RPAP3: variants seen among roughly 807,000 people sequenced by gnomAD.
RPAP3 encodes RNA polymerase II associated protein 3, also known as RNA polymerase II-associated protein 3.
A neutral mutation model predicts 88.8 loss-of-function variants in RPAP3; 58 were observed. The observed-to-expected ratio is 0.65, with a 90% CI of 0.53 to 0.81. RPAP3 has a LOEUF of 0.81. RPAP3 is among the 40% of genes least tolerant of loss of function. The pLI, the probability that RPAP3 is intolerant of heterozygous loss-of-function variation, is 0.00. For missense variants in RPAP3, 751 were observed against 764.3 expected, an observed-to-expected ratio of 0.98 and a Z score of 0.20; for synonymous variants, 255 against 259.9, an observed-to-expected ratio of 0.98 and a Z score of 0.18.
chr12:47,676,969 T>G (rs1175166147), intron 12 of RPAP3, among the ~76,000 whole-genome samples: 1 of 152,226 alleles, frequency 6.6e-6, no homozygotes, highest in Non-Finnish European at 1.5e-5. Context: ...ATATCCCTGA[T>G]GAACATCAAT....
chr12:47,689,618 C>T (rs534183566), intron 6 of RPAP3, among the ~76,000 whole-genome samples: 27 of 152,252 alleles, frequency 1.8e-4, no homozygotes, highest in African/African-American at 5.8e-4. Flanking sequence ...GGACTACAGG[C>T]GTAAGCCACT....
intron 6 of RPAP3, among the ~76,000 whole-genome samples, chr12:47,689,870 G>A (rs1939395624): frequency 6.6e-6 from 1 of 152,004 alleles, no homozygotes; most frequent in African/African-American, 2.4e-5. Flanking sequence ...GCAAAACCCT[G>A]TCTCTACTAA....
At chr12:47,679,410 T>A in intron 12 of RPAP3, 83 bp downstream of exon 12, 13 of 854,896 alleles carry the variant, frequency 1.5e-5, no homozygotes, top group Non-Finnish European at 1.8e-5. Flanking sequence ...AAAAAAAAAG[T>A]TTATTAATAC....
chr12:47,702,912 T>C (rs1939685173), intron 1 of RPAP3, 66 bp from the exon 2 acceptor site: 5 of 1,341,748 alleles, frequency 3.7e-6, no homozygotes, highest in Middle Eastern at 4.2e-4. Flanking sequence ...TTCTGAAAGC[T>C]AGCTAATTAT....
chr12:47,671,652 C>A (rs1171349731), intron 12 of RPAP3, among the ~76,000 whole-genome samples: 1 of 152,214 alleles, frequency 6.6e-6, no homozygotes, highest in Admixed American at 6.5e-5. Flanking sequence ...TTGCTAAGAA[C>A]TGTATCAGCA....
chr12:47,665,874 T>C (rs1031343859), intron 16 of RPAP3, among the ~76,000 whole-genome samples: 4 of 152,078 alleles, frequency 2.6e-5, no homozygotes, highest in African/African-American at 4.8e-5. Context: ...GCGATCCTCC[T>C]GCCTTAACCT....
chr12:47,688,127 A>G (rs1472001579), intron 7 of RPAP3, 126 bp from the exon 8 acceptor site: 2 of 831,506 alleles, frequency 2.4e-6, no homozygotes, highest in Non-Finnish European at 3.3e-6. Context: ...TCAAAATAAC[A>G]TTTTCTGCTC....
chr12:47,684,137 C>A (rs1413279003), intron 9 of RPAP3, among the ~76,000 whole-genome samples: 1 of 152,178 alleles, frequency 6.6e-6, no homozygotes, highest in African/African-American at 2.4e-5. Flanking sequence ...ATTTCTTCAG[C>A]CTTTCTGAAG....
intron 13 of RPAP3, 102 bp from the exon 14 acceptor site, chr12:47,669,204 T>A: frequency 1.4e-6 from 1 of 689,732 alleles, no homozygotes; most frequent in Non-Finnish European, 2.4e-6. Flanking sequence ...CTATTAATAT[T>A]GTATTATCTA....
chr12:47,697,095 G>T (rs750941349), intron 4 of RPAP3, among the ~76,000 whole-genome samples: 1 of 152,206 alleles, frequency 6.6e-6, no homozygotes, highest in Non-Finnish European at 1.5e-5. Context: ...TTCCACCTTT[G>T]TGAAAGTAAT....
chr12:47,701,966 TG>T, intron 2 of RPAP3, among the ~76,000 whole-genome samples: 1 of 152,332 alleles, frequency 6.6e-6, no homozygotes, highest in South Asian at 2.1e-4. Flanking sequence ...ATGTACAGTA[TG>T]AAAAACCCAG....
chr12:47,664,329 G>A (rs1938821825), intron 16 of RPAP3, among the ~76,000 whole-genome samples: 1 of 152,316 alleles, frequency 6.6e-6, no homozygotes, highest in Non-Finnish European at 1.5e-5. Context: ...GGCGGAGCTT[G>A]CAGTGAGCTG....
chr12:47,673,260 T>C (rs368924758), intron 12 of RPAP3, among the ~76,000 whole-genome samples: 58 of 151,892 alleles, frequency 3.8e-4, no homozygotes, highest in African/African-American at 1.3e-3. Flanking sequence ...CTGGCCAACA[T>C]GGTGAAACCC....
intron 5 of RPAP3, among the ~76,000 whole-genome samples, chr12:47,694,947 G>T (rs1371721038): frequency 6.6e-6 from 1 of 152,132 alleles, no homozygotes; most frequent in Non-Finnish European, 1.5e-5. Flanking sequence ...ATTTACCTTT[G>T]TAACAACTGT....
At position 47,663,510 on chromosome 12, in the gene RPAP3, C is replaced by T; in HGVS notation, c.1993G>A (p.Gly665Ser). 6.4e-7 allele frequency: 1 copy of T among 1,574,500 alleles called. No individual in the cohort carries two copies. The highest frequency in any genetic ancestry group is 2.3e-5 in the East Asian group (1 of 43,104). The change falls in exon 17 of 17, where the codon GGT (glycine) becomes AGT (serine). Residue 665 changes from glycine to serine, a missense_variant. Coordinates refer to ENST00000005386, the MANE Select transcript of RPAP3 (RefSeq NM_024604.3). ...TATTTCAGCAAAAATGGAAATCAAC[C>T]ACCGTATCTTTTCTTGAGTTCTTCG... is the stretch of plus-strand genomic sequence containing the variant. ...SVEELKKRYG[G>S] is the part of the protein sequence containing the mutation.
At chr12:47,700,545 AC>A (rs1185811959) in intron 3 of RPAP3, among the ~76,000 whole-genome samples, 17 of 152,196 alleles carry the variant, frequency 1.1e-4, no homozygotes, top group Non-Finnish European at 2.4e-4. Context: ...CAACATACAT[AC>A]CCCTAACCAC....
chr12:47,698,069 G>GA (rs1380895352), intron 3 of RPAP3, among the ~76,000 whole-genome samples: 2 of 151,860 alleles, frequency 1.3e-5, no homozygotes, highest in Admixed American at 1.3e-4. Context: ...CCCAGTAGCA[G>GA]AAAAAGTTTA....
chr12:47,688,530 A>G (rs1277921429), intron 7 of RPAP3, among the ~76,000 whole-genome samples: 1 of 152,226 alleles, frequency 6.6e-6, no homozygotes, highest in Non-Finnish European at 1.5e-5. Flanking sequence ...AGCATCCATT[A>G]AAAGTAGTTG....
chr12:47,705,206 G>A (rs529386285), intron 1 of RPAP3, among the ~76,000 whole-genome samples: 2 of 152,178 alleles, frequency 1.3e-5, no homozygotes, highest in Non-Finnish European at 2.9e-5. Context: ...AGTAAGGTGG[G>A]AGGGAGAGAG....
Sources: gnomAD v4.1 joint callset for allele counts (sites outside exome capture counted in the v4.1 genomes callset) on GRCh38, gnomAD v4.1.1 for gene constraint, MANE v1.5 for transcripts, NCBI Gene and HGNC (gene_info 2026-07-23, HGNC 2026-07-21) for gene names.